Variants in NCKAP5 observed in about 807,000 individuals in gnomAD.
NCKAP5 encodes the protein NCK associated protein 5.
A neutral mutation model predicts 167.0 loss-of-function variants in NCKAP5; 92 were observed. The observed-to-expected ratio is 0.55, with a 90% confidence interval of 0.47 to 0.66. The LOEUF is 0.66. Ranked by LOEUF, NCKAP5 falls within the 30% of genes least tolerant of loss-of-function variation. The pLI is 0.00. For missense variants in NCKAP5, 2,378 were observed against 2,315.0 expected (o/e 1.03, Z -0.56); for synonymous variants, 891 against 877.4 (o/e 1.02, Z -0.27).
chr2:133,589,359 A>T, the NCKAP5 span, among the ~76,000 whole-genome samples: 1 of 152,290 alleles, frequency 6.6e-6, no homozygotes, highest in South Asian at 2.1e-4. Context: ...GGAAAGACAG[A>T]ATCATCTTTC....
intron 8 of NCKAP5, chr2:132,926,168 T>C: frequency 2.6e-6 from 1 of 377,486 alleles, no homozygotes; most frequent in Non-Finnish European, 5.4e-6. Context: ...TCTGAGTTAT[T>C]TCTCTTAGGA....
At chr2:133,118,465 C>A (rs1020107209) in intron 6 of NCKAP5, 2 of 151,974 alleles carry the variant, frequency 1.3e-5, no homozygotes, top group Non-Finnish European at 2.9e-5. Flanking sequence ...GGTTATTAAA[C>A]GGTAGATTCA....
chr2:133,091,080 C>T (rs1401865881), intron 6 of NCKAP5, among the ~76,000 whole-genome samples: 2 of 152,186 alleles, frequency 1.3e-5, no homozygotes, highest in East Asian at 3.9e-4. Context: ...CTCTCTTCCT[C>T]CTGCTCTGGC....
At chr2:133,424,696 A>T (rs930540990) in intron 3 of NCKAP5, among the ~76,000 whole-genome samples, 1 of 152,180 alleles carries the variant, frequency 6.6e-6, no homozygotes, top group Non-Finnish European at 1.5e-5. Flanking sequence ...TAGGGCTAGC[A>T]ATGTAGCCTC....
intron 7 of NCKAP5, among the ~76,000 whole-genome samples, chr2:132,975,719 T>A (rs1344433498): frequency 6.6e-6 from 1 of 150,998 alleles, no homozygotes; most frequent in Non-Finnish European, 1.5e-5. Context: ...AAACAGAAAG[T>A]AAGAATGCCA....
chr2:133,496,736 T>C (rs1359969773), intron 3 of NCKAP5, among the ~76,000 whole-genome samples: 1 of 152,214 alleles, frequency 6.6e-6, no homozygotes, highest in East Asian at 1.9e-4. Flanking sequence ...TGTATTTATA[T>C]GCTCAAGCTG....
chr2:133,614,108 C>T, the NCKAP5 span, among the ~76,000 whole-genome samples: 181 of 152,262 alleles, frequency 1.2e-3, 1 homozygote, highest in Middle Eastern at 3.4e-3. Flanking sequence ...CCTAGAGAAT[C>T]CGCAGAGCCT....
chr2:133,137,671 A>G (rs1449084960), intron 5 of NCKAP5, among the ~76,000 whole-genome samples: 3 of 152,144 alleles, frequency 2.0e-5, no homozygotes, highest in Admixed American at 2.0e-4. Context: ...TGTCCTTATT[A>G]TTTAGCAAAG....
At chr2:132,756,540 C>A (rs1248619738) in intron 16 of NCKAP5, among the ~76,000 whole-genome samples, 2 of 152,092 alleles carry the variant, frequency 1.3e-5, no homozygotes, top group African/African-American at 4.8e-5. Flanking sequence ...TACCCTGTCT[C>A]TCCAACAGTT....
At chr2:133,215,461 G>A (rs1178286546) in intron 4 of NCKAP5, among the ~76,000 whole-genome samples, 1 of 152,076 alleles carries the variant, frequency 6.6e-6, no homozygotes, top group Non-Finnish European at 1.5e-5. Flanking sequence ...CTATGAACCA[G>A]CAATTCCACT....
chr2:133,624,485 G>A, the NCKAP5 span, among the ~76,000 whole-genome samples: 8 of 151,888 alleles, frequency 5.3e-5, no homozygotes, highest in Admixed American at 1.3e-4. Flanking sequence ...TAAGACCACC[G>A]CACACCAGTG....
At chr2:133,408,423 C>G (rs1405221868) in intron 3 of NCKAP5, among the ~76,000 whole-genome samples, 1 of 152,130 alleles carries the variant, frequency 6.6e-6, no homozygotes, top group Non-Finnish European at 1.5e-5. Context: ...ATAATTGCTC[C>G]TCTCCAAGAC....
At chr2:133,283,363 A>G (rs1027120974) in intron 4 of NCKAP5, among the ~76,000 whole-genome samples, 7 of 152,126 alleles carry the variant, frequency 4.6e-5, no homozygotes, top group Non-Finnish European at 1.0e-4. Context: ...TCAGCAGCAC[A>G]CACTAGACTG....
chr2:132,997,065 C>T (rs992606038), intron 6 of NCKAP5, among the ~76,000 whole-genome samples: 2 of 152,164 alleles, frequency 1.3e-5, no homozygotes, highest in Non-Finnish European at 2.9e-5. Flanking sequence ...AAGGGCTTCT[C>T]GTATGACAAA....
chr2:133,626,127 G>C, the NCKAP5 span, among the ~76,000 whole-genome samples: 2 of 152,140 alleles, frequency 1.3e-5, no homozygotes, highest in Admixed American at 6.6e-5. Context: ...AAATAAATGA[G>C]TTGGAAAGGA....
intron 11 of NCKAP5, among the ~76,000 whole-genome samples, chr2:132,826,520 T>C (rs1687135205): frequency 6.6e-6 from 1 of 152,238 alleles, no homozygotes; most frequent in Non-Finnish European, 1.5e-5. Flanking sequence ...AATTATACTT[T>C]TATTTGTATT....
intron 3 of NCKAP5, among the ~76,000 whole-genome samples, chr2:133,372,284 C>A (rs1352004140): frequency 6.6e-6 from 1 of 152,144 alleles, no homozygotes; most frequent in Non-Finnish European, 1.5e-5. Context: ...TTGAAGGTTT[C>A]ATTATAGAAT....
At chr2:133,525,387 T>C (rs1684785770) in intron 2 of NCKAP5, among the ~76,000 whole-genome samples, 1 of 152,144 alleles carries the variant, frequency 6.6e-6, no homozygotes, top group Non-Finnish European at 1.5e-5. Flanking sequence ...CCCCTAAGAA[T>C]CACTTTCCCA....
rs550938955 is a variant in NCKAP5, at chr2:132,858,540, C to T, written c.807+1952G>A. Among the ~76,000 whole-genome samples, 4 of 152,284 alleles carry T rather than the reference C, an allele frequency of 2.6e-5. No individual in the cohort carries two copies. In the South Asian group the frequency reaches 8.3e-4, roughly 32 times the overall value. ...GAAAAGCCATGAGTGAAATAATTAA[C>T]ACACCATCTGAAAAGCCAGTCATGT... On this transcript the variant is annotated intron_variant, in intron 11 of 19. Coordinates refer to ENST00000409261, the MANE Select transcript of NCKAP5 (RefSeq NM_207363.3).
Sources: allele counts gnomAD v4.1 joint callset (sites outside exome capture counted in the v4.1 genomes callset), GRCh38; gene constraint gnomAD v4.1.1; transcripts MANE v1.5; gene names NCBI Gene and HGNC (gene_info 2026-07-23, HGNC 2026-07-21).